Variants in PCSK5 observed in about 807,000 individuals in gnomAD.
PCSK5 encodes the protein proprotein convertase subtilisin/kexin type 5, also known as prohormone convertase 5.
Under a neutral mutation model 233.2 loss-of-function variants are expected in PCSK5, and 129 were observed. The ratio of observed to expected loss-of-function variants is 0.55; its 90% CI spans 0.48 to 0.64. The LOEUF (loss-of-function observed/expected upper bound fraction) is 0.64. Among genes scored for constraint, PCSK5 ranks in the 30% least tolerant of loss-of-function variants. The pLI is 0.00. For missense variants in PCSK5, 2,076 were observed against 2,430.1 expected (o/e 0.85, Z 3.06); for synonymous variants, 825 against 879.2 (o/e 0.94, Z 1.09).
chr9:75,896,803 T>G (rs947676001), intron 1 of PCSK5, among the ~76,000 whole-genome samples: 24 of 152,200 alleles, frequency 1.6e-4, no homozygotes, highest in African/African-American at 5.8e-4. Context: ...ATATGTCAAT[T>G]TTTATTTTTA....
chr9:76,116,508 C>T (rs1198817828), intron 9 of PCSK5, among the ~76,000 whole-genome samples: 2 of 152,088 alleles, frequency 1.3e-5, no homozygotes, highest in East Asian at 3.8e-4. Flanking sequence ...CAGTGACATC[C>T]TGTCTGTGAC....
At chr9:76,128,089 G>A (rs1490530695) in intron 9 of PCSK5, among the ~76,000 whole-genome samples, 1 of 152,142 alleles carries the variant, frequency 6.6e-6, no homozygotes, top group Non-Finnish European at 1.5e-5. Context: ...TTAGTCTGTG[G>A]GCCTAGAACT....
chr9:76,335,375 T>A (rs2803440), intron 34 of PCSK5, among the ~76,000 whole-genome samples: 104,731 of 152,064 alleles, frequency 0.69, 36,763 homozygotes, highest in South Asian at 0.8. Context: ...ATGAGGTATA[T>A]GAGAACTCTT....
intron 3 of PCSK5, among the ~76,000 whole-genome samples, chr9:76,018,905 G>T (rs963209286): frequency 3.7e-4 from 57 of 152,242 alleles, no homozygotes; most frequent in African/African-American, 1.3e-3. Flanking sequence ...TCCAACATCC[G>T]CGCCTTATCT....
intron 20 of PCSK5, among the ~76,000 whole-genome samples, chr9:76,214,579 G>C (rs1825453967): frequency 6.6e-6 from 1 of 152,016 alleles, no homozygotes; most frequent in Non-Finnish European, 1.5e-5. Context: ...CAAAAAGCAG[G>C]CCTTGGGGAT....
chr9:75,961,303 T>A (rs1825343755), intron 2 of PCSK5, among the ~76,000 whole-genome samples: 1 of 152,234 alleles, frequency 6.6e-6, no homozygotes, highest in African/African-American at 2.4e-5. Context: ...TGAGGAAATC[T>A]ATGAAATTTA....
At chr9:76,036,696 G>T (rs1477239697) in intron 5 of PCSK5, among the ~76,000 whole-genome samples, 1 of 152,234 alleles carries the variant, frequency 6.6e-6, no homozygotes, top group African/African-American at 2.4e-5. Context: ...CCCACATTCA[G>T]AGAGAAGTCT....
chr9:76,055,015 C>T (rs11144735), intron 5 of PCSK5, among the ~76,000 whole-genome samples: 3,576 of 152,088 alleles, frequency 0.024, 65 homozygotes, highest in Non-Finnish European at 0.039. Flanking sequence ...TTGCCTACAG[C>T]GTGTTATCTG....
chr9:75,992,743 T>G (rs1339252), intron 3 of PCSK5, among the ~76,000 whole-genome samples: 115,533 of 152,078 alleles, frequency 0.76, 45,125 homozygotes, highest in African/African-American at 0.91. Context: ...ATGAATATTG[T>G]GTGGCCTATT....
At chr9:76,216,990 G>A (rs368787217) in intron 20 of PCSK5, among the ~76,000 whole-genome samples, 59 of 152,196 alleles carry the variant, frequency 3.9e-4, no homozygotes, top group African/African-American at 9.6e-4. Context: ...ACAGGCATGC[G>A]CCACCACTCC....
chr9:76,274,875 C>T (rs1827639264), intron 24 of PCSK5, among the ~76,000 whole-genome samples: 1 of 152,084 alleles, frequency 6.6e-6, no homozygotes, highest in East Asian at 1.9e-4. Context: ...CTGCTTCTAG[C>T]GAGGGCTCCA....
At chr9:76,081,457 A>T (rs921460284) in intron 7 of PCSK5, among the ~76,000 whole-genome samples, 11 of 146,778 alleles carry the variant, frequency 7.5e-5, no homozygotes, top group African/African-American at 2.9e-4. Context: ...TCTGTCTCAA[A>T]AATAAATAAA....
chr9:76,349,286 AAAAAAG>A (rs538094484), intron 35 of PCSK5, among the ~76,000 whole-genome samples: 21,144 of 103,284 alleles, frequency 0.2, 2,112 homozygotes, highest in East Asian at 0.47. Context: ...AAAAAAAAAA[AAAAAAG>A]AAAAAAGAAA....
chr9:76,341,513 T>C (rs1470673951), intron 35 of PCSK5, among the ~76,000 whole-genome samples: 1 of 152,154 alleles, frequency 6.6e-6, no homozygotes, highest in African/African-American at 2.4e-5. Flanking sequence ...AGGCTGATCT[T>C]GAACTCCTGG....
chr9:75,950,147 G>GTGA (rs751957512), intron 2 of PCSK5, among the ~76,000 whole-genome samples: 2 of 126,624 alleles, frequency 1.6e-5, no homozygotes, highest in South Asian at 2.7e-4. Flanking sequence ...GTGTGTGTGG[G>GTGA]GGGGGCGGGG....
intron 28 of PCSK5, among the ~76,000 whole-genome samples, chr9:76,302,959 C>CTTTTTTTTTT (rs10552673): frequency 3.4e-5 from 3 of 87,492 alleles, no homozygotes; most frequent in Non-Finnish European, 6.5e-5. Flanking sequence ...CAAAGTGGTT[C>CTTTTTTTTTT]TTTTTTTTTT....
chr9:76,087,170 A>C (rs1378064557), intron 7 of PCSK5, among the ~76,000 whole-genome samples: 1 of 152,272 alleles, frequency 6.6e-6, no homozygotes, highest in African/African-American at 2.4e-5. Flanking sequence ...GTTAAGAAGC[A>C]GTGTTAAGTG....
At chr9:76,309,811 T>C (rs1388969028) in intron 29 of PCSK5, among the ~76,000 whole-genome samples, 2 of 152,180 alleles carry the variant, frequency 1.3e-5, no homozygotes, top group African/African-American at 2.4e-5. Context: ...ATTATAATCA[T>C]ATAAAATATA....
chr9:76,351,077 G>C (rs2257220), intron 36 of PCSK5, 149 bp downstream of exon 36: 2 of 518,210 alleles, frequency 3.9e-6, no homozygotes, highest in Non-Finnish European at 3.4e-6. Flanking sequence ...ACCTTCTACC[G>C]TTGCATCATG....
Sources: gnomAD v4.1 joint callset for allele counts (sites outside exome capture counted in the v4.1 genomes callset) on GRCh38, gnomAD v4.1.1 for gene constraint, MANE v1.5 for transcripts, NCBI Gene and HGNC (gene_info 2026-07-23, HGNC 2026-07-21) for gene names.